The following RAD51 variants were observed in gnomAD, a reference collection of about 807,000 sequenced individuals.
The protein encoded by RAD51 is DNA repair protein RAD51 homolog 1.
In RAD51, 14 loss-of-function variants were observed where a neutral mutation model predicts 41.5. That is an observed-to-expected ratio of 0.34 (90% CI 0.22 to 0.53). The LOEUF (loss-of-function observed/expected upper bound fraction) is 0.53. Among genes scored for constraint, RAD51 ranks in the 20% least tolerant of loss-of-function variants. The probability of loss-of-function intolerance (pLI) is 0.95; values close to 1 mark genes in which losing one functional copy is unlikely to be tolerated. For missense variants in RAD51, 234 were observed against 422.0 expected (o/e 0.55, Z 3.90); for synonymous variants, 136 against 148.6 (o/e 0.92, Z 0.62).
At chr15:40,706,436 C>G in intron 4 of RAD51, 142 bp downstream of exon 4, 1 of 760,870 alleles carries the variant, frequency 1.3e-6, no homozygotes, top group South Asian at 1.6e-5. Context: ...GTGGCTTATG[C>G]CTGTAATCTC....
rs548882280 is a variant in RAD51 at position 40,727,562 on chromosome 15, C to T, written c.531-1149C>T. Among the ~76,000 whole-genome samples, 12 of 152,256 alleles carry T rather than the reference C, an allele frequency of 7.9e-5. No homozygotes were observed. In the East Asian group the frequency reaches 2.1e-3, roughly 27 times the overall value. ...AACTCCTGATCTCAAGTGATCTGCC[C>T]ACATCAGCCTCCCAAATTGCTGGGA... On this transcript the variant is annotated intron_variant, in intron 6 of 9. Coordinates refer to ENST00000267868, the MANE Select transcript of RAD51 (RefSeq NM_002875.5).
intron 6 of RAD51, among the ~76,000 whole-genome samples, chr15:40,721,929 A>T (rs1174841936): frequency 6.6e-6 from 1 of 152,220 alleles, no homozygotes; most frequent in Non-Finnish European, 1.5e-5. Context: ...CCCAATGTCC[A>T]TTGACAAATG....
intron 5 of RAD51, among the ~76,000 whole-genome samples, chr15:40,714,871 T>C (rs141518699): frequency 1.3e-4 from 20 of 152,382 alleles, no homozygotes; most frequent in African/African-American, 4.8e-4. Flanking sequence ...TTCAAAGTAC[T>C]GCAGTAGTTT....
intron 5 of RAD51, among the ~76,000 whole-genome samples, chr15:40,714,426 TA>T (rs1224887311): frequency 6.6e-6 from 1 of 152,224 alleles, no homozygotes; most frequent in Non-Finnish European, 1.5e-5. Context: ...ACATAATATC[TA>T]TAGTTGCCAT....
chr15:40,721,218 A>G (rs1224523966), intron 6 of RAD51, among the ~76,000 whole-genome samples: 1 of 152,196 alleles, frequency 6.6e-6, no homozygotes, highest in Non-Finnish European at 1.5e-5. Flanking sequence ...TTATCTATAG[A>G]TTCAACCCAA....
intron 6 of RAD51, among the ~76,000 whole-genome samples, chr15:40,725,193 C>G (rs909666494): frequency 1.3e-5 from 2 of 152,080 alleles, no homozygotes; most frequent in African/African-American, 4.8e-5. Context: ...GCCACCGTGC[C>G]TGGCCTATTT....
intron 1 of RAD51, among the ~76,000 whole-genome samples, chr15:40,697,152 G>A (rs1894692027): frequency 6.6e-6 from 1 of 152,144 alleles, no homozygotes; most frequent in South Asian, 2.1e-4. Flanking sequence ...CCAGGCTGGA[G>A]TGCAATGGCA....
intron 2 of RAD51, among the ~76,000 whole-genome samples, chr15:40,700,496 C>T (rs1358843333): frequency 6.6e-6 from 1 of 152,116 alleles, no homozygotes; most frequent in Non-Finnish European, 1.5e-5. Flanking sequence ...TTGAGCAACA[C>T]TGTCTTAAAG....
chr15:40,701,845 G>A (rs780928256), intron 3 of RAD51: 18 of 356,678 alleles, frequency 5.0e-5, no homozygotes, highest in South Asian at 3.0e-4. Flanking sequence ...GTGCAATAGC[G>A]TGATCTTGGT....
chr15:40,708,231 C>CT (rs1222352292), intron 4 of RAD51, among the ~76,000 whole-genome samples: 3,107 of 116,194 alleles, frequency 0.027, 183 homozygotes, highest in African/African-American at 0.078. Flanking sequence ...TTGTGCCCAG[C>CT]TTTTTTTTTT....
At chr15:40,709,518 C>T (rs1033251462) in intron 5 of RAD51, among the ~76,000 whole-genome samples, 8 of 151,832 alleles carry the variant, frequency 5.3e-5, no homozygotes, top group East Asian at 3.9e-4. Context: ...GGATTACAGG[C>T]GCCCACCAGC....
intron 5 of RAD51, among the ~76,000 whole-genome samples, chr15:40,713,281 G>C (rs1453322669): frequency 7.6e-6 from 1 of 132,132 alleles, no homozygotes; most frequent in Non-Finnish European, 1.6e-5. Context: ...CGGAGTCTCT[G>C]TCGCCTAGGC....
intron 1 of RAD51, among the ~76,000 whole-genome samples, chr15:40,697,083 T>A (rs1894686561): frequency 6.6e-6 from 1 of 152,044 alleles, no homozygotes. Flanking sequence ...GAATTTATTT[T>A]TTTATTATTT....
At chr15:40,729,396 A>C in intron 7 of RAD51, 109 bp from the exon 8 acceptor site, 1 of 1,130,690 alleles carries the variant, frequency 8.8e-7, no homozygotes. Context: ...AAAAAAAAAA[A>C]ATCTGTATAC....
At chr15:40,718,626 C>T (rs1416574202) in intron 5 of RAD51, among the ~76,000 whole-genome samples, 179 bp from the exon 6 acceptor site, 2 of 152,118 alleles carry the variant, frequency 1.3e-5, no homozygotes, top group African/African-American at 4.8e-5. Flanking sequence ...ATCAGCTTTA[C>T]ATATTTTTCT....
intron 6 of RAD51, among the ~76,000 whole-genome samples, chr15:40,726,637 G>A (rs1007192191): frequency 1.3e-5 from 2 of 151,658 alleles, no homozygotes; most frequent in South Asian, 4.2e-4. Context: ...TGCTATGGCC[G>A]GGCGCGGTGG....
At chr15:40,714,737 T>A (rs1895901397) in intron 5 of RAD51, among the ~76,000 whole-genome samples, 1 of 152,252 alleles carries the variant, frequency 6.6e-6, no homozygotes, top group Non-Finnish European at 1.5e-5. Context: ...AAATATTATC[T>A]ACTCTCATTT....
intron 9 of RAD51, among the ~76,000 whole-genome samples, chr15:40,730,840 ATGTT>A (rs1391716672): frequency 1.3e-5 from 2 of 151,696 alleles, no homozygotes; most frequent in East Asian, 1.9e-4. Context: ...TCTTTTTTTA[ATGTT>A]TGTTTCAATA....
rs151217544 is a variant in RAD51 at position 40,705,537 on chromosome 15, C to T, written c.226-640C>T. 9.9e-5 allele frequency among the ~76,000 whole-genome samples: 15 copies of T among 152,280 alleles called. No homozygotes were observed. In the East Asian group the frequency reaches 2.9e-3, roughly 29 times the overall value. On this transcript the variant is annotated intron_variant, in intron 3 of 9. Transcript: ENST00000267868. ...TGATGGAGCAGGAAATGAAGGTGTA[C>T]TGTATTGTCATTTTTGTCATAAATT...
Sources: gnomAD v4.1 joint callset for allele counts (sites outside exome capture counted in the v4.1 genomes callset) on GRCh38, gnomAD v4.1.1 for gene constraint, MANE v1.5 for transcripts, NCBI Gene and HGNC (gene_info 2026-07-23, HGNC 2026-07-21) for gene names.